ATP10B: variants seen among roughly 807,000 people sequenced by gnomAD.
ATP10B encodes phospholipid-transporting ATPase VB.
ATP10B carries 122 observed loss-of-function variants against 141.2 expected under a neutral mutation model. That is an observed-to-expected ratio of 0.86 (90% CI 0.75 to 1.00). The LOEUF is 1.00. Ranked by LOEUF, ATP10B falls within the 50% of genes least tolerant of loss-of-function variation. The probability of loss-of-function intolerance (pLI) is 0.00; values close to 1 mark genes in which losing one functional copy is unlikely to be tolerated. For missense variants in ATP10B, 1,876 were observed against 1,825.3 expected (o/e 1.03, Z -0.51); for synonymous variants, 685 against 692.0 (o/e 0.99, Z 0.16).
At chr5:160,897,465 T>TA in the ATP10B span, among the ~76,000 whole-genome samples, 1 of 151,990 alleles carries the variant, frequency 6.6e-6, no homozygotes, top group African/African-American at 2.4e-5. Flanking sequence ...ATAAAATACC[T>TA]AGAGTATAAC....
intron 12 of ATP10B, chr5:160,632,881 TTTG>T (rs1307384325): frequency 1.3e-5 from 2 of 152,308 alleles, no homozygotes; most frequent in East Asian, 3.9e-4. Context: ...CTCTTAAGAG[TTTG>T]TTTTCTTCAA....
the ATP10B span, among the ~76,000 whole-genome samples, chr5:160,922,208 G>T: frequency 2.6e-5 from 4 of 152,172 alleles, no homozygotes; most frequent in South Asian, 8.3e-4. Context: ...AAGGGCTCAG[G>T]ATTGGGAGTC....
intron 9 of ATP10B, among the ~76,000 whole-genome samples, chr5:160,641,645 A>G (rs1404438654): frequency 6.6e-6 from 1 of 152,130 alleles, no homozygotes; most frequent in Non-Finnish European, 1.5e-5. Context: ...CACACCTAAG[A>G]GCTAAGAGTC....
intron 1 of ATP10B, among the ~76,000 whole-genome samples, chr5:160,849,789 C>A (rs545915041): frequency 6.1e-4 from 93 of 152,220 alleles, no homozygotes; most frequent in African/African-American, 2.1e-3. Flanking sequence ...GACTACCCAA[C>A]TTCATCTCTT....
intron 1 of ATP10B, among the ~76,000 whole-genome samples, chr5:160,788,808 A>G (rs1771360344): frequency 6.6e-6 from 1 of 152,168 alleles, no homozygotes; most frequent in Admixed American, 6.5e-5. Context: ...GAGCTGCCAG[A>G]GAACATAAGT....
intron 15 of ATP10B, among the ~76,000 whole-genome samples, chr5:160,618,377 T>G (rs1157440072): frequency 1.3e-5 from 2 of 152,230 alleles, no homozygotes; most frequent in East Asian, 3.8e-4. Context: ...GTGTTTTTAG[T>G]TGATCTCTGG....
At chr5:160,604,736 G>C (rs1426065090) in intron 19 of ATP10B, among the ~76,000 whole-genome samples, 2 of 151,986 alleles carry the variant, frequency 1.3e-5, no homozygotes, top group Non-Finnish European at 2.9e-5. Flanking sequence ...ACACACACAC[G>C]GTCTCCTTCT....
chr5:160,634,633 C>A (rs373747218), intron 11 of ATP10B, 27 bp from the exon 12 acceptor site: 4 of 1,571,120 alleles, frequency 2.5e-6, no homozygotes, highest in Middle Eastern at 1.7e-4. Context: ...TTCTACCATT[C>A]AGAAACCAGG....
intron 24 of ATP10B, among the ~76,000 whole-genome samples, chr5:160,584,076 T>TG (rs1429885563): frequency 1.3e-5 from 2 of 150,740 alleles, no homozygotes; most frequent in African/African-American, 4.9e-5. Flanking sequence ...CACTGGGGTA[T>TG]GGAAAAAAAA....
the ATP10B span, among the ~76,000 whole-genome samples, chr5:160,922,467 T>C: frequency 1.1e-4 from 16 of 152,296 alleles, no homozygotes; most frequent in African/African-American, 3.9e-4. Flanking sequence ...TGGAGGAGGA[T>C]GTGGGCAAAA....
At chr5:160,715,120 C>T (rs1050377863) in intron 3 of ATP10B, among the ~76,000 whole-genome samples, 14 of 148,576 alleles carry the variant, frequency 9.4e-5, no homozygotes, top group African/African-American at 3.3e-4. Flanking sequence ...AGGCAGGCCT[C>T]CTTGAGCTGT....
intron 2 of ATP10B, among the ~76,000 whole-genome samples, chr5:160,723,278 G>A (rs1239348026): frequency 6.6e-6 from 1 of 152,212 alleles, no homozygotes; most frequent in Non-Finnish European, 1.5e-5. Context: ...AACTTGACAG[G>A]TGAGACCATT....
the ATP10B span, among the ~76,000 whole-genome samples, chr5:160,920,359 A>T: frequency 6.6e-6 from 1 of 152,194 alleles, no homozygotes; most frequent in Non-Finnish European, 1.5e-5. Flanking sequence ...AACTTATTTT[A>T]TATTAGGAAG....
chr5:160,644,282 G>A (rs1242297683), intron 8 of ATP10B, 38 bp from the exon 9 acceptor site: 5 of 1,494,852 alleles, frequency 3.3e-6, no homozygotes, highest in Non-Finnish European at 4.7e-6. Flanking sequence ...GTGGTTTGGT[G>A]GCCTTTCCTT....
the ATP10B span, among the ~76,000 whole-genome samples, chr5:160,888,726 G>A: frequency 5.5e-4 from 83 of 152,052 alleles, no homozygotes; most frequent in African/African-American, 1.8e-3. Flanking sequence ...TTTCCATTCC[G>A]GTGGTTTAAG....
chr5:160,601,182 T>C (rs570639687), intron 21 of ATP10B, among the ~76,000 whole-genome samples: 1 of 152,350 alleles, frequency 6.6e-6, no homozygotes, highest in East Asian at 1.9e-4. Context: ...ATCAAGTTGA[T>C]TGAATTTACA....
chr5:160,919,825 T>A, the ATP10B span, among the ~76,000 whole-genome samples: 1 of 152,222 alleles, frequency 6.6e-6, no homozygotes, highest in Non-Finnish European at 1.5e-5. Context: ...TGACTGCCTC[T>A]GAGGCCAACT....
intron 1 of ATP10B, among the ~76,000 whole-genome samples, chr5:160,787,566 T>C (rs963374224): frequency 2.0e-5 from 3 of 152,224 alleles, no homozygotes; most frequent in Admixed American, 1.3e-4. Flanking sequence ...CTTATCCTTG[T>C]TAAATCTTCC....
intron 5 of ATP10B, among the ~76,000 whole-genome samples, chr5:160,686,497 AGTG>A (rs1203401389): frequency 6.6e-6 from 1 of 152,140 alleles, no homozygotes; most frequent in African/African-American, 2.4e-5. Flanking sequence ...TAAGTTCTTT[AGTG>A]GTGATTTGTG....
Sources: allele counts gnomAD v4.1 joint callset (sites outside exome capture counted in the v4.1 genomes callset), GRCh38; gene constraint gnomAD v4.1.1; transcripts MANE v1.5; gene names NCBI Gene and HGNC (gene_info 2026-07-23, HGNC 2026-07-21).